Variants in EML1 observed in about 807,000 individuals in gnomAD.
The protein encoded by EML1 is echinoderm microtubule-associated protein-like 1.
In EML1, 27 loss-of-function variants were observed where a neutral mutation model predicts 110.4. That is an observed-to-expected ratio of 0.24 (90% CI 0.18 to 0.34). The LOEUF is 0.34. EML1 is among the 10% of genes least tolerant of loss of function. EML1 has a pLI of 1.00. For missense variants in EML1, 741 were observed against 1,030.9 expected (o/e 0.72, Z 3.85); for synonymous variants, 344 against 385.8 (o/e 0.89, Z 1.27).
intron 3 of EML1, among the ~76,000 whole-genome samples, chr14:99,871,526 A>G (rs1033876583): frequency 6.6e-6 from 1 of 152,102 alleles, no homozygotes; most frequent in African/African-American, 2.4e-5. Flanking sequence ...GGAAAAAAAA[A>G]AAAAAGAACA....
chr14:99,783,838 A>G (rs1159200400), intron 1 of EML1, among the ~76,000 whole-genome samples: 1 of 152,210 alleles, frequency 6.6e-6, no homozygotes, highest in Non-Finnish European at 1.5e-5. Context: ...TGGCTGTCCC[A>G]GGCCTTCTGG....
intron 1 of EML1, among the ~76,000 whole-genome samples, chr14:99,760,091 A>AAAAAAAAAAG (rs2057299001): frequency 7.2e-6 from 1 of 138,496 alleles, no homozygotes; most frequent in African/African-American, 2.8e-5. Context: ...CTCAAAAAAA[A>AAAAAAAAAAG]AAAAAAAAAA....
intron 1 of EML1, among the ~76,000 whole-genome samples, chr14:99,776,055 T>A (rs1595266791): frequency 2.0e-5 from 3 of 152,180 alleles, no homozygotes; most frequent in East Asian, 1.9e-4. Flanking sequence ...TTTCAAATGG[T>A]GCAACAAAAT....
intron 17 of EML1, among the ~76,000 whole-genome samples, chr14:99,927,927 G>T (rs2060276851): frequency 6.6e-6 from 1 of 151,464 alleles, no homozygotes; most frequent in African/African-American, 2.4e-5. Flanking sequence ...GGTGGTGGTG[G>T]TGATGGTGGT....
At chr14:99,739,536 G>C (rs2057017777) in intron 1 of EML1, among the ~76,000 whole-genome samples, 1 of 152,200 alleles carries the variant, frequency 6.6e-6, no homozygotes, top group Non-Finnish European at 1.5e-5. Context: ...GCCCAGTTGG[G>C]TTGGGAGGTG....
chr14:99,759,446 G>A (rs2057290701), intron 1 of EML1, among the ~76,000 whole-genome samples: 1 of 152,248 alleles, frequency 6.6e-6, no homozygotes, highest in South Asian at 2.1e-4. Flanking sequence ...CAGCCAGCCT[G>A]GAGGGCAGCC....
chr14:99,847,469 C>A (rs1053614423), intron 1 of EML1, among the ~76,000 whole-genome samples: 2 of 152,140 alleles, frequency 1.3e-5, no homozygotes, highest in African/African-American at 4.8e-5. Flanking sequence ...CCCACCTAAG[C>A]CTCCCAAGTA....
At chr14:99,744,866 C>T (rs2057086604) in intron 1 of EML1, among the ~76,000 whole-genome samples, 1 of 152,200 alleles carries the variant, frequency 6.6e-6, no homozygotes. Flanking sequence ...AATGAGTAGG[C>T]TGTGGAATCC....
At chr14:99,914,812 T>G in intron 15 of EML1, 115 bp downstream of exon 15, 3 of 1,375,210 alleles carry the variant, frequency 2.2e-6, no homozygotes, top group Non-Finnish European at 2.9e-6. Flanking sequence ...CAAATGTTAT[T>G]TATCTATTTA....
chr14:99,765,885 T>G (rs1446182020), intron 1 of EML1, among the ~76,000 whole-genome samples: 1 of 152,178 alleles, frequency 6.6e-6, no homozygotes, highest in African/African-American at 2.4e-5. Flanking sequence ...ATTACAGGCA[T>G]GAGCCACCGT....
intron 3 of EML1, among the ~76,000 whole-genome samples, chr14:99,873,414 A>T (rs1288422720): frequency 6.6e-6 from 1 of 152,240 alleles, no homozygotes; most frequent in African/African-American, 2.4e-5. Context: ...GATTTGAAGA[A>T]TAGAAAGCCA....
At chr14:99,780,739 C>T (rs983648543) in intron 1 of EML1, among the ~76,000 whole-genome samples, 12 of 152,130 alleles carry the variant, frequency 7.9e-5, no homozygotes, top group African/African-American at 2.9e-4. Flanking sequence ...GAGATGTTTA[C>T]GTTCACAAAT....
chr14:99,916,709 A>G (rs2060039529), intron 15 of EML1, among the ~76,000 whole-genome samples: 1 of 152,130 alleles, frequency 6.6e-6, no homozygotes, highest in Admixed American at 6.5e-5. Flanking sequence ...CTCCTCAAAT[A>G]TGCCCACAGC....
chr14:99,809,176 C>T (rs2058031287), intron 1 of EML1, among the ~76,000 whole-genome samples: 1 of 152,098 alleles, frequency 6.6e-6, no homozygotes, highest in East Asian at 1.9e-4. Flanking sequence ...ATTTTTTTCC[C>T]TGCACCTTGA....
At chr14:99,902,522 C>G (rs1436919222) in intron 9 of EML1, among the ~76,000 whole-genome samples, 1 of 152,144 alleles carries the variant, frequency 6.6e-6, no homozygotes, top group Admixed American at 6.5e-5. Context: ...CTCCAGTCTC[C>G]CATTTTTACT....
At chr14:99,770,561 A>G (rs1218991382), upstream of EML1, among the ~76,000 whole-genome samples, 1 of 152,068 alleles carries the variant, frequency 6.6e-6, no homozygotes, top group African/African-American at 2.4e-5. Flanking sequence ...GAATTTTGGG[A>G]GGACACAAAT....
chr14:99,923,596 T>C, intron 17 of EML1, among the ~76,000 whole-genome samples: 1 of 152,182 alleles, frequency 6.6e-6, no homozygotes, highest in African/African-American at 2.4e-5. Context: ...CAAAAATCAA[T>C]CGATCAGAAA....
intron 15 of EML1, among the ~76,000 whole-genome samples, chr14:99,917,526 C>G: frequency 6.6e-6 from 1 of 152,132 alleles, no homozygotes; most frequent in Admixed American, 6.5e-5. Context: ...TGCCATTGTA[C>G]TCCAGCCTGT....
At chr14:99,887,951 A>T (rs971619540) in intron 4 of EML1, among the ~76,000 whole-genome samples, 1 of 152,084 alleles carries the variant, frequency 6.6e-6, no homozygotes, top group Non-Finnish European at 1.5e-5. Flanking sequence ...GAGTGAAATT[A>T]CCTCCTCCCA....
Sources: allele counts gnomAD v4.1 joint callset (sites outside exome capture counted in the v4.1 genomes callset), GRCh38; gene constraint gnomAD v4.1.1; transcripts MANE v1.5; gene names NCBI Gene and HGNC (gene_info 2026-07-23, HGNC 2026-07-21).